The following ACAD8 variants were observed in gnomAD, a reference collection of about 807,000 sequenced individuals.
ACAD8 encodes acyl-CoA dehydrogenase family member 8.
A neutral mutation model predicts 53.1 loss-of-function variants in ACAD8; 47 were observed. The ratio of observed to expected loss-of-function variants is 0.89; its 90% CI spans 0.70 to 1.13. ACAD8 has a LOEUF of 1.13. Ranked by LOEUF, ACAD8 falls within the 50% of genes most tolerant of loss-of-function variation. The pLI is 0.00. For missense variants in ACAD8, 494 were observed against 535.0 expected, an observed-to-expected ratio of 0.92 and a Z score of 0.76; for synonymous variants, 198 against 201.3, an observed-to-expected ratio of 0.98 and a Z score of 0.14.
At position 134,262,616 on chromosome 11, in the gene ACAD8, C is replaced by A; in HGVS notation, c.1189C>A (p.Leu397Ile). 1 of 1,613,440 alleles carries A rather than the reference C, an allele frequency of 6.2e-7. No homozygotes were observed. The highest frequency in any genetic ancestry group is 1.1e-5 in the South Asian group (1 of 90,974). Residue 397 changes from leucine to isoleucine, a missense_variant, in exon 10 of 11, where the codon CTA (leucine) becomes ATA (isoleucine). Physicochemically the swap from Leu to Ile is conservative, Grantham distance 5. Coordinates refer to ENST00000281182, the MANE Select transcript of ACAD8 (RefSeq NM_014384.3). ...GCGGGACTCCAGGGTCCACCAGATT[C>A]TAGAAGGTAAAAATTGCCAGAGGTT... ...YVRDSRVHQI[L>I]EGSNEVMRIL... is the part of the protein sequence containing the mutation.
At chr11:134,257,962 GC>G (rs1294208213) in intron 3 of ACAD8, 1 of 181,516 alleles carries the variant, frequency 5.5e-6, no homozygotes, top group Non-Finnish European at 1.2e-5. Context: ...TGATTCTCCT[GC>G]CTCAGCCTCC....
intron 1 of ACAD8, 33 bp downstream of exon 1, chr11:134,253,742 G>A: frequency 6.4e-7 from 1 of 1,555,434 alleles, no homozygotes; most frequent in Non-Finnish European, 8.7e-7. Context: ...TAGGACAGGT[G>A]TCCAGAACCC....
In ACAD8 at chr11:134,261,924, A is replaced by G; in HGVS notation, c.1092+34A>G. ...TTCCTCTGGCTCTCCTGGGATGGAC[A>G]GGGAACAGCTGCTAGGCCCAGGGGT... On this transcript the variant is annotated intron_variant, in intron 9 of 10. Coordinates refer to ENST00000281182, the MANE Select transcript of ACAD8 (RefSeq NM_014384.3). This position sits in a 1 kb window ranked among gnomAD's most constrained non-coding sequence, Gnocchi z 4.2. 1 of 1,611,840 alleles carries G rather than the reference A, an allele frequency of 6.2e-7. No individual in the cohort carries two copies. Among genetic ancestry groups the G allele is most frequent in the Non-Finnish European group, 8.5e-7 (1 of 1,179,778 alleles).
intron 3 of ACAD8, 65 bp from the exon 4 acceptor site, chr11:134,258,447 TCCC>T (rs1186715154): frequency 9.3e-7 from 1 of 1,075,932 alleles, no homozygotes; most frequent in Non-Finnish European, 1.4e-6. Context: ...TTTCCCCTTC[TCCC>T]CCATTTTTTT....
At chr11:134,258,978 T>C (rs1939712816) in intron 4 of ACAD8, 30 bp from the exon 5 acceptor site, 4 of 1,595,194 alleles carry the variant, frequency 2.5e-6, no homozygotes, top group African/African-American at 2.7e-5. Context: ...TTTCTCACCT[T>C]CTCTCTGCTG....
chr11:134,254,194 T>TATA (rs1939333315), intron 1 of ACAD8, among the ~76,000 whole-genome samples: 6 of 152,182 alleles, frequency 3.9e-5, no homozygotes, highest in Admixed American at 3.9e-4. Context: ...GCAGTGAGAA[T>TATA]ATAAGAAGCT....
At chr11:134,258,382 T>C (rs533311814) in intron 3 of ACAD8, 133 bp from the exon 4 acceptor site, 33 of 710,190 alleles carry the variant, frequency 4.6e-5, no homozygotes, top group Admixed American at 3.3e-4. Context: ...TTCCCAATTG[T>C]GACTCTCCCC....
chr11:134,265,065 G>A lies in ACAD8; in HGVS notation c.*105G>A. On this transcript the variant is annotated 3_prime_UTR_variant, in exon 11 of 11. Coordinates refer to ENST00000281182, the MANE Select transcript of ACAD8 (RefSeq NM_014384.3). ...AAGGAATCATGGATTAGACCCAAGG[G>A]CTGAGCTCCTCTAGGGCAGGACCTG... The A allele has an allele frequency of 7.7e-7, 1 of 1,294,932 alleles. No homozygotes were observed. Among genetic ancestry groups the A allele is most frequent in the South Asian group, 1.2e-5 (1 of 84,712 alleles). The allele number at this position is 1,294,932 out of a possible 1,614,324, so 80.2% of individuals were successfully genotyped here. A position where few individuals can be genotyped will look rare whatever the true frequency, so the allele number is the denominator to read the frequency against.
In ACAD8 at chr11:134,258,633, G is replaced by T. The variant is rs1939692822; in HGVS notation, c.490+9G>T. Reference sequence around the variant, plus strand: ...CTGCCTCACTGAACCAGGTGAATTTGCCACACTGCACTGAGATATAGCAGG... The same window carrying T: ...CTGCCTCACTGAACCAGGTGAATTTTCCACACTGCACTGAGATATAGCAGG... On this transcript the variant is annotated intron_variant, in intron 4 of 10. Transcript: ENST00000281182. The T allele has an allele frequency of 6.3e-7, 1 of 1,597,972 alleles. No individual in the cohort carries two copies. Among genetic ancestry groups the T allele is most frequent in the South Asian group, 1.1e-5 (1 of 90,444 alleles).
Position 134,256,875 on chromosome 11 carries a change from G to A in ACAD8, c.211-213G>A. 7.5e-6 allele frequency: 5 copies of A among 664,196 alleles called. No individual in the cohort carries two copies. The South Asian group carries it at 9.8e-5, about 13-fold the overall frequency. 41.1% of individuals were successfully genotyped at this position (664,196 alleles called of 1,614,324 possible). A position where few individuals can be genotyped will look rare whatever the true frequency, so the allele number is the denominator to read the frequency against. The stretch of plus-strand genomic sequence containing the variant: ...AAGATTTGGATATAAAACTAAGGCA[G>A]TTCTATAGATAATAAAAAGAAACTT... On this transcript the variant is annotated intron_variant, in intron 2 of 10. Transcript: ENST00000281182.
Position 134,261,469 on chromosome 11 carries a change from C to G in ACAD8, c.939+97C>G. ...CCAGGAGAGAAGCCAGGAAATTCCT[C>G]TGTCAGTCCCACCACTGTCCTAGCC... is the stretch of plus-strand genomic sequence containing the variant. On this transcript the variant is annotated intron_variant, in intron 8 of 10. Transcript: ENST00000281182. This position sits in a 1 kb window ranked among gnomAD's most constrained non-coding sequence, Gnocchi z 4.2. The G allele has an allele frequency of 6.6e-7, 1 of 1,521,430 alleles. No homozygotes were observed. Among genetic ancestry groups the G allele is most frequent in the South Asian group, 1.1e-5 (1 of 87,716 alleles). 94.2% of individuals were successfully genotyped at this position (1,521,430 alleles called of 1,614,324 possible).
Position 134,253,587 on chromosome 11 carries a change from G to T in ACAD8, c.-14G>T, listed in dbSNP as rs921642220. 3.2e-6 allele frequency: 5 copies of T among 1,571,936 alleles called. No individual in the cohort carries two copies. Among genetic ancestry groups the T allele is most frequent in the Non-Finnish European group, 4.3e-6 (5 of 1,161,436 alleles). On this transcript the variant is annotated 5_prime_UTR_variant, in exon 1 of 11. Coordinates refer to ENST00000281182, the MANE Select transcript of ACAD8 (RefSeq NM_014384.3). ...GCGTTCAGACTCTTAGCTGAACGCG[G>T]AGCTGCGGCGGCTATGCTGTGGAGC...
intron 1 of ACAD8, among the ~76,000 whole-genome samples, chr11:134,254,655 A>T (rs1050724183): frequency 1.3e-5 from 2 of 152,222 alleles, no homozygotes; most frequent in Non-Finnish European, 2.9e-5. Flanking sequence ...TTAGAATTTG[A>T]TAACCCAGAT....
intron 9 of ACAD8, 87 bp from the exon 10 acceptor site, chr11:134,262,433 C>G: frequency 5.8e-6 from 5 of 863,756 alleles, no homozygotes; most frequent in East Asian, 2.6e-5. Flanking sequence ...TGGCGGGCTG[C>G]CAGATCGTGG....
chr11:134,264,208 G>A (rs996848769), intron 10 of ACAD8: 5 of 250,628 alleles, frequency 2.0e-5, no homozygotes, highest in African/African-American at 1.2e-4. Context: ...AGCTGGGCGT[G>A]GTGGTGCATG....
intron 6 of ACAD8, 70 bp downstream of exon 6, chr11:134,259,815 C>G: frequency 6.2e-7 from 1 of 1,610,906 alleles, no homozygotes; most frequent in Non-Finnish European, 8.5e-7. Context: ...AACTCCTGCT[C>G]TATTTCAGAA....
In ACAD8 at chr11:134,257,659, G is replaced by A. The variant is rs529170213; in HGVS notation, c.380+402G>A. ...TGCACTCCAGCCTGGGCGACAGAGCGAGACTCCATCTCAAAAAAAATAAAT... is the reference window on the plus strand; with the variant it reads ...TGCACTCCAGCCTGGGCGACAGAGCAAGACTCCATCTCAAAAAAAATAAAT... On this transcript the variant is annotated intron_variant, in intron 3 of 10. Coordinates refer to ENST00000281182, the MANE Select transcript of ACAD8 (RefSeq NM_014384.3). 2.7e-5 allele frequency: 8 copies of A among 294,254 alleles called. No homozygotes were observed. In the East Asian group the frequency reaches 6.1e-4, roughly 22 times the overall value. 18.2% of individuals were successfully genotyped at this position (294,254 alleles called of 1,614,324 possible).
At chr11:134,260,080 C>T (rs754908408) in intron 6 of ACAD8, 10 of 1,203,032 alleles carry the variant, frequency 8.3e-6, no homozygotes, top group Non-Finnish European at 9.4e-6. Flanking sequence ...TTAGAGAAGA[C>T]CTGGTGTTGG....
At chr11:134,256,047 C>T (rs959208566) in intron 1 of ACAD8, among the ~76,000 whole-genome samples, 3 of 152,212 alleles carry the variant, frequency 2.0e-5, no homozygotes, top group Non-Finnish European at 4.4e-5. Context: ...GCTGGGATTA[C>T]AGGCATGCGC....
Sources: allele counts gnomAD v4.1 joint callset (sites outside exome capture counted in the v4.1 genomes callset), GRCh38; gene constraint gnomAD v4.1.1; non-coding constraint Gnocchi (gnomAD v3.1); transcripts MANE v1.5; gene names NCBI Gene and HGNC (gene_info 2026-07-23, HGNC 2026-07-21).